ST8SIA5: variants seen among roughly 807,000 people sequenced by gnomAD.
The protein encoded by ST8SIA5 is alpha-2,8-sialyltransferase 8E.
ST8SIA5 carries 24 observed loss-of-function variants against 40.2 expected under a neutral mutation model. That is an observed-to-expected ratio of 0.60 (90% confidence interval 0.43 to 0.84). The LOEUF is 0.84. ST8SIA5 is among the 40% of genes least tolerant of loss of function. The pLI is 0.00. For missense variants in ST8SIA5, 465 were observed against 498.5 expected (o/e 0.93, Z 0.64); for synonymous variants, 198 against 201.8 (o/e 0.98, Z 0.16).
In ST8SIA5 at chr18:46,710,372, T is replaced by C. The variant is rs1415553895; in HGVS notation, c.132-5708A>G. Among the ~76,000 whole-genome samples the C allele has an allele frequency of 4.1e-4, 16 of 38,580 alleles. No individual in the cohort carries two copies. The Admixed American group carries it at 5.0e-3, about 12-fold the overall frequency. The allele number at this position is 38,580 out of a possible 152,430, so 25.3% of individuals were successfully genotyped here. A position where few individuals can be genotyped will look rare whatever the true frequency, so the allele number is the denominator to read the frequency against. On this transcript the variant is annotated intron_variant, in intron 1 of 6. Transcript: ENST00000315087. The stretch of plus-strand genomic sequence containing the variant: ...CTTCTTTCCTTCTTTCTTTTCTTTC[T>C]TTCTTTCTTTCTTTCTTTCTTTCTT...
intron 1 of ST8SIA5, among the ~76,000 whole-genome samples, chr18:46,709,198 T>C (rs927221708): frequency 6.6e-6 from 1 of 152,208 alleles, no homozygotes; most frequent in African/African-American, 2.4e-5. Flanking sequence ...GCAGGGCCTT[T>C]GGGAGGTAAT....
chr18:46,693,022 A>G (rs1417040134), intron 2 of ST8SIA5, among the ~76,000 whole-genome samples: 1 of 151,650 alleles, frequency 6.6e-6, no homozygotes, highest in African/African-American at 2.4e-5. Flanking sequence ...AAACCTCAAT[A>G]GTCTCACCCA....
chr18:46,683,748 G>A (rs2039420079), intron 5 of ST8SIA5, among the ~76,000 whole-genome samples: 1 of 151,748 alleles, frequency 6.6e-6, no homozygotes, highest in African/African-American at 2.4e-5. Flanking sequence ...GAGTGCGGGA[G>A]GGGGTGGGGT....
At chr18:46,692,412 T>C (rs1297949346) in intron 2 of ST8SIA5, among the ~76,000 whole-genome samples, 157 bp from the exon 3 acceptor site, 1 of 151,470 alleles carries the variant, frequency 6.6e-6, no homozygotes, top group Non-Finnish European at 1.5e-5. Context: ...TTTGTTTCTT[T>C]TTTTTTTTTA....
intron 1 of ST8SIA5, among the ~76,000 whole-genome samples, chr18:46,718,040 T>C (rs908927872): frequency 6.6e-6 from 1 of 152,118 alleles, no homozygotes; most frequent in African/African-American, 2.4e-5. Flanking sequence ...TGATTGAAAA[T>C]TATTCCGGCT....
intron 1 of ST8SIA5, among the ~76,000 whole-genome samples, chr18:46,742,084 G>C (rs1024479820): frequency 6.6e-6 from 1 of 151,224 alleles, no homozygotes; most frequent in Admixed American, 6.6e-5. Context: ...CTGGGTGCCA[G>C]AGCGACGCTC....
chr18:46,727,740 A>T (rs1745127313), intron 1 of ST8SIA5, among the ~76,000 whole-genome samples: 1 of 152,166 alleles, frequency 6.6e-6, no homozygotes, highest in African/African-American at 2.4e-5. Context: ...CAGAGAAAGT[A>T]TTCAAGCCCA....
In ST8SIA5 at chr18:46,680,071, C is replaced by T. The variant is rs1001225199; in HGVS notation, c.1102G>A (p.Val368Met). ...CAGCAGCTGCAGGTGCCCGTGTGCA[C>T]GCGGAGGATGCCTCGGCTGTGCAAG... ...LHLHSRGILRVHTGTCSCC is the reference protein window; with the variant it reads ...LHLHSRGILRMHTGTCSCC The change falls in exon 7 of 7, where the codon GTG (valine) becomes ATG (methionine). Residue 368 changes from valine to methionine, a missense_variant. Val to Met is a conservative substitution (Grantham distance 21). Transcript: ENST00000315087. 1 of 1,612,100 alleles carries T rather than the reference C, an allele frequency of 6.2e-7. No individual in the cohort carries two copies. The highest frequency in any genetic ancestry group is 8.5e-7 in the Non-Finnish European group (1 of 1,178,810).
chr18:46,718,329 CA>C (rs34073971), intron 1 of ST8SIA5, among the ~76,000 whole-genome samples: 30 of 128,636 alleles, frequency 2.3e-4, no homozygotes, highest in Non-Finnish European at 2.2e-4. Flanking sequence ...AACTCTGTCT[CA>C]AAAAAAAAAA....
rs147075905 is a variant in ST8SIA5, at chr18:46,745,214, T to A, written c.131+11164A>T. 9.8e-4 allele frequency among the ~76,000 whole-genome samples: 148 copies of A among 151,504 alleles called. 3 individuals are homozygous for A. In the East Asian group the frequency reaches 0.025, roughly 26 times the overall value. On this transcript the variant is annotated intron_variant, in intron 1 of 6. Coordinates refer to ENST00000315087, the MANE Select transcript of ST8SIA5 (RefSeq NM_013305.6). ...AGCAGAAGGCAAGAAATAACTAAGA[T>A]CAAAGCAGAACTGAAGGAGATAGAG...
rs1218672504 is a variant in ST8SIA5, at chr18:46,680,021, G to C, written c.*21C>G. The C allele has an allele frequency of 6.3e-7, 1 of 1,583,254 alleles. No homozygotes were observed. The highest frequency in any genetic ancestry group is 2.2e-5 in the East Asian group (1 of 44,590). ...AGCAGGAGAGGGGGCGCCGCTTGCCGGGCAGCCTGGCTGGCAGCCATCAGC... is the reference window on the plus strand; with the variant it reads ...AGCAGGAGAGGGGGCGCCGCTTGCCCGGCAGCCTGGCTGGCAGCCATCAGC... On this transcript the variant is annotated 3_prime_UTR_variant, in exon 7 of 7. Coordinates refer to ENST00000315087, the MANE Select transcript of ST8SIA5 (RefSeq NM_013305.6).
intron 1 of ST8SIA5, among the ~76,000 whole-genome samples, chr18:46,717,907 C>G (rs8089484): frequency 0.89 from 135,302 of 152,208 alleles, 60,183 homozygotes; most frequent in African/African-American, 0.89. Context: ...TAGGTTCTGG[C>G]AATTCAAAAC....
chr18:46,748,615 G>A (rs543229056), intron 1 of ST8SIA5, among the ~76,000 whole-genome samples: 4 of 144,864 alleles, frequency 2.8e-5, no homozygotes, highest in South Asian at 2.2e-4. Context: ...AAGAAGATAT[G>A]CAAATAGCTA....
At chr18:46,689,542 C>A (rs2039482584) in intron 3 of ST8SIA5, among the ~76,000 whole-genome samples, 1 of 151,612 alleles carries the variant, frequency 6.6e-6, no homozygotes, top group African/African-American at 2.4e-5. Flanking sequence ...ATTTGTGATT[C>A]CAGCTTGCAA....
At chr18:46,686,816 C>CA (rs752731256) in intron 4 of ST8SIA5, among the ~76,000 whole-genome samples, 54,113 of 120,928 alleles carry the variant, frequency 0.45, 11,115 homozygotes, top group Non-Finnish European at 0.51. Flanking sequence ...CAGAGAAAGG[C>CA]AAAAAAAAAA....
chr18:46,756,354 C>A (rs1344429225), intron 1 of ST8SIA5, 24 bp downstream of exon 1: 1 of 1,608,040 alleles, frequency 6.2e-7, no homozygotes, highest in East Asian at 2.2e-5. Context: ...CCGCGCATCC[C>A]GCCCTCTCAA....
chr18:46,715,876 C>A (rs1027323164), intron 1 of ST8SIA5, among the ~76,000 whole-genome samples: 1 of 152,134 alleles, frequency 6.6e-6, no homozygotes, highest in African/African-American at 2.4e-5. Flanking sequence ...GCATGAGCAA[C>A]TGTGCCTGAC....
chr18:46,713,725 A>C (rs942404559), intron 1 of ST8SIA5, among the ~76,000 whole-genome samples: 3 of 152,150 alleles, frequency 2.0e-5, no homozygotes, highest in Non-Finnish European at 4.4e-5. Context: ...ATGTCTTGGA[A>C]ATGGGGGTCA....
At chr18:46,708,878 G>A (rs764441968) in intron 1 of ST8SIA5, among the ~76,000 whole-genome samples, 10 of 151,918 alleles carry the variant, frequency 6.6e-5, no homozygotes, top group African/African-American at 9.7e-5. Flanking sequence ...CCATATTTTC[G>A]TGTCTTACCA....
Sources: gnomAD v4.1 joint callset for allele counts (sites outside exome capture counted in the v4.1 genomes callset) on GRCh38, gnomAD v4.1.1 for gene constraint, MANE v1.5 for transcripts, NCBI Gene and HGNC (gene_info 2026-07-23, HGNC 2026-07-21) for gene names.